The following SYNE1 variants were observed in gnomAD, a reference collection of about 807,000 sequenced individuals.
SYNE1 encodes spectrin repeat containing nuclear envelope protein 1.
SYNE1 carries 616 observed loss-of-function variants against 1,111.0 expected under a neutral mutation model. That is an observed-to-expected ratio of 0.55 (90% confidence interval 0.52 to 0.59). SYNE1 has a LOEUF of 0.59. Ranked by LOEUF, SYNE1 falls within the 20% of genes least tolerant of loss-of-function variation. SYNE1 has a pLI of 0.00. For synonymous variants in SYNE1, 3,855 were observed against 3,825.8 expected (o/e 1.01, Z -0.28); for missense variants, 10,006 against 10,417.0 (o/e 0.96, Z 1.72).
intron 111 of SYNE1, among the ~76,000 whole-genome samples, chr6:152,234,430 G>T (rs371440190): frequency 1.3e-5 from 2 of 152,258 alleles, no homozygotes; most frequent in South Asian, 2.1e-4. Flanking sequence ...GAGTAGCTGG[G>T]ATTATAGGCA....
chr6:152,527,002 T>C (rs903374824), intron 4 of SYNE1, among the ~76,000 whole-genome samples: 1 of 152,218 alleles, frequency 6.6e-6, no homozygotes. Context: ...TATGCCAATG[T>C]TGATGGTCAA....
intron 98 of SYNE1, chr6:152,277,857 C>T: frequency 1.7e-6 from 1 of 577,720 alleles, no homozygotes; most frequent in South Asian, 1.9e-5. Flanking sequence ...CTTTTTGCCT[C>T]CACCACTCCG....
chr6:152,431,564 T>C (rs1173522700), intron 34 of SYNE1, among the ~76,000 whole-genome samples: 1 of 152,200 alleles, frequency 6.6e-6, no homozygotes, highest in African/African-American at 2.4e-5. Flanking sequence ...AGCTTGTTTG[T>C]ATATAAGAAG....
intron 111 of SYNE1, 105 bp from the exon 112 acceptor site, chr6:152,234,068 G>A: frequency 1.7e-6 from 2 of 1,205,356 alleles, no homozygotes; most frequent in Non-Finnish European, 2.4e-6. Flanking sequence ...ACATCCTGGA[G>A]GGGGTTATGC....
At chr6:152,288,700 C>T (rs886180200) in intron 95 of SYNE1, among the ~76,000 whole-genome samples, 2 of 152,148 alleles carry the variant, frequency 1.3e-5, no homozygotes, top group African/African-American at 2.4e-5. Context: ...GCTGCACCAC[C>T]ACGCCCAGCT....
chr6:152,255,932 T>C (rs1212299562), intron 102 of SYNE1, among the ~76,000 whole-genome samples, 186 bp from the exon 103 acceptor site: 1 of 152,032 alleles, frequency 6.6e-6, no homozygotes, highest in African/African-American at 2.4e-5. Context: ...ACCCCATCTG[T>C]ACTAAAAAAT....
chr6:152,194,101 T>A (rs2073428833), intron 127 of SYNE1, among the ~76,000 whole-genome samples: 1 of 152,190 alleles, frequency 6.6e-6, no homozygotes, highest in South Asian at 2.1e-4. Flanking sequence ...TACCAGTGAG[T>A]TCTGCACCTT....
intron 30 of SYNE1, 152 bp from the exon 31 acceptor site, chr6:152,442,397 T>G: frequency 8.7e-6 from 7 of 801,564 alleles, no homozygotes; most frequent in Non-Finnish European, 1.4e-5. Context: ...AGTCGGTTGC[T>G]ATATTAGTCA....
At chr6:152,552,565 A>G (rs1233385967) in intron 3 of SYNE1, among the ~76,000 whole-genome samples, 1 of 152,144 alleles carries the variant, frequency 6.6e-6, no homozygotes, top group Non-Finnish European at 1.5e-5. Flanking sequence ...AGACGTAAAG[A>G]GAGCTACAAT....
chr6:152,489,921 G>C (rs1163099208), intron 11 of SYNE1, among the ~76,000 whole-genome samples: 1 of 152,124 alleles, frequency 6.6e-6, no homozygotes, highest in East Asian at 1.9e-4. Context: ...AAGTTCCCAG[G>C]TGAATCTGAT....
At chr6:152,312,107 G>A (rs2095571020) in intron 87 of SYNE1, among the ~76,000 whole-genome samples, 1 of 151,640 alleles carries the variant, frequency 6.6e-6, no homozygotes, top group Non-Finnish European at 1.5e-5. Flanking sequence ...TTTTAATGAA[G>A]TACTTTCTTT....
chr6:152,189,230 C>A (rs376899318), intron 128 of SYNE1, 22 bp downstream of exon 128: 1 of 1,612,248 alleles, frequency 6.2e-7, no homozygotes, highest in Non-Finnish European at 8.5e-7. Flanking sequence ...CAAGATAATT[C>A]CATTTTTAGA....
At chr6:152,201,992 T>C (rs1420704029) in intron 126 of SYNE1, 43 bp from the exon 127 acceptor site, 1 of 1,608,992 alleles carries the variant, frequency 6.2e-7, no homozygotes, top group African/African-American at 1.3e-5. Flanking sequence ...GTTTTTGATG[T>C]AGGAAACTGG....
intron 63 of SYNE1, among the ~76,000 whole-genome samples, chr6:152,362,706 G>T (rs552285759): frequency 6.6e-6 from 1 of 152,242 alleles, no homozygotes; most frequent in Non-Finnish European, 1.5e-5. Context: ...ATCAAACCGA[G>T]CAGGACATTG....
chr6:152,230,491 T>C, intron 115 of SYNE1, 56 bp downstream of exon 115: 3 of 1,553,038 alleles, frequency 1.9e-6, no homozygotes, highest in Admixed American at 1.7e-5. Context: ...TATAAACATA[T>C]TAGCATACGC....
rs921664050 is a variant in SYNE1 at position 152,218,450 on chromosome 6, A to T, written c.22045-47T>A. ...TGGTATTTCAGTTAAAAAAAAAAAA[A>T]TTGGTATTTTAATAAAGTCTGGTAA... On this transcript the variant is annotated intron_variant, in intron 120 of 145. Transcript: ENST00000367255. 9.8e-6 allele frequency: 13 copies of T among 1,327,554 alleles called. No homozygotes were observed. The African/African-American group carries it at 1.8e-4, about 18-fold the overall frequency. 82.2% of individuals were successfully genotyped at this position (1,327,554 alleles called of 1,614,324 possible).
chr6:152,149,809 G>A (rs1335161411), intron 135 of SYNE1, 141 bp from the exon 136 acceptor site: 3 of 742,478 alleles, frequency 4.0e-6, no homozygotes, highest in East Asian at 5.4e-5. Flanking sequence ...CACAAGACAA[G>A]AGTCTATTAC....
intron 98 of SYNE1, among the ~76,000 whole-genome samples, chr6:152,272,395 C>A (rs576868690): frequency 6.6e-6 from 1 of 152,318 alleles, no homozygotes; most frequent in South Asian, 2.1e-4. Flanking sequence ...TTTGGAAATA[C>A]TAGAACAGTA....
chr6:152,413,599 A>C lies in SYNE1; in HGVS notation c.6051-68T>G, dbSNP rs540102886. On this transcript the variant is annotated intron_variant, in intron 41 of 145. Transcript: ENST00000367255. ...AGTAAATGAATATTTCTTCTCCGTA[A>C]GTATATGATGAGTCCATAAAGCACT... is the stretch of plus-strand genomic sequence containing the variant. 6.9e-5 allele frequency: 104 copies of C among 1,505,896 alleles called. No homozygotes were observed. The South Asian group carries it at 9.7e-4, about 14-fold the overall frequency. The allele number at this position is 1,505,896 out of a possible 1,614,324, so 93.3% of individuals were successfully genotyped here.
Sources: gnomAD v4.1 joint callset for allele counts (sites outside exome capture counted in the v4.1 genomes callset) on GRCh38, gnomAD v4.1.1 for gene constraint, MANE v1.5 for transcripts, NCBI Gene and HGNC (gene_info 2026-07-23, HGNC 2026-07-21) for gene names.